The following RMND1 variants were observed in gnomAD, a reference collection of about 807,000 sequenced individuals.
The protein encoded by RMND1 is required for meiotic nuclear division 1 homolog, also known as required for meiotic nuclear division protein 1 homolog.
A neutral mutation model predicts 54.0 loss-of-function variants in RMND1; 41 were observed. The observed-to-expected ratio is 0.76, with a 90% confidence interval of 0.59 to 0.98. RMND1 has a LOEUF of 0.98. RMND1 is among the 50% of genes least tolerant of loss of function. The probability of loss-of-function intolerance (pLI) is 0.00; values close to 1 mark genes in which losing one functional copy is unlikely to be tolerated. For synonymous variants in RMND1, 183 were observed against 181.7 expected, an observed-to-expected ratio of 1.01 and a Z score of -0.06; for missense variants, 457 against 532.0, an observed-to-expected ratio of 0.86 and a Z score of 1.39.
chr6:151,436,587 C>A lies in RMND1; in HGVS notation c.505-33G>T, dbSNP rs775246667. The A allele has an allele frequency of 3.7e-6, 6 of 1,608,790 alleles. No individual in the cohort carries two copies. The African/African-American group carries it at 5.3e-5, about 14-fold the overall frequency. ...AGGGAAATGAGCATAACATGGGTTA[C>A]CAAGAGGCTGAAGCATCTGTGACGG... is the stretch of plus-strand genomic sequence containing the variant. On this transcript the variant is annotated intron_variant, in intron 2 of 11. Transcript: ENST00000444024.
chr6:151,433,429 A>G (rs903435907), intron 3 of RMND1, among the ~76,000 whole-genome samples, 199 bp from the exon 4 acceptor site: 1 of 152,204 alleles, frequency 6.6e-6, no homozygotes, highest in Non-Finnish European at 1.5e-5. Context: ...CACCAAAAAA[A>G]GATCAGCAAT....
intron 2 of RMND1, among the ~76,000 whole-genome samples, chr6:151,440,767 CT>C (rs536693988): frequency 6.6e-6 from 1 of 152,036 alleles, no homozygotes; most frequent in Non-Finnish European, 1.5e-5. Context: ...GTTTTCTTTG[CT>C]TTTTTTATTT....
intron 1 of RMND1, among the ~76,000 whole-genome samples, chr6:151,449,188 G>A (rs1371979836): frequency 1.3e-5 from 2 of 151,204 alleles, no homozygotes; most frequent in African/African-American, 2.4e-5. Context: ...CCAACATGGT[G>A]AAACCTCGTC....
intron 4 of RMND1, 91 bp downstream of exon 4, chr6:151,433,064 A>T (rs1054778153): frequency 2.9e-6 from 2 of 682,270 alleles, no homozygotes; most frequent in Non-Finnish European, 5.2e-6. Context: ...GAACACATTT[A>T]CTGTTAAGAA....
intron 10 of RMND1, among the ~76,000 whole-genome samples, chr6:151,407,552 GTC>G (rs1247761629): frequency 6.6e-6 from 1 of 152,052 alleles, no homozygotes; most frequent in Non-Finnish European, 1.5e-5. Flanking sequence ...CTATTATTAA[GTC>G]TAACAACTTA....
At chr6:151,421,211 T>C in intron 9 of RMND1, 34 bp downstream of exon 9, 3 of 1,412,984 alleles carry the variant, frequency 2.1e-6, no homozygotes, top group Non-Finnish European at 3.0e-6. Flanking sequence ...TTGTTAAATA[T>C]ATGAAATATT....
intron 3 of RMND1, among the ~76,000 whole-genome samples, chr6:151,435,031 TA>T (rs1483964267): frequency 1.3e-5 from 2 of 152,048 alleles, no homozygotes; most frequent in African/African-American, 4.8e-5. Context: ...GTATTTTTAG[TA>T]AAGGTGGGGT....
At chr6:151,429,168 C>A (rs1190991711) in intron 5 of RMND1, among the ~76,000 whole-genome samples, 1 of 151,054 alleles carries the variant, frequency 6.6e-6, no homozygotes, top group African/African-American at 2.4e-5. Context: ...GTCTCCCAGG[C>A]TGGAGTGCAA....
At chr6:151,447,328 CA>C (rs1212889142) in intron 1 of RMND1, among the ~76,000 whole-genome samples, 2 of 112,196 alleles carry the variant, frequency 1.8e-5, no homozygotes, top group Non-Finnish European at 1.8e-5. Context: ...GTTCATGAAA[CA>C]AATTTTTGGT....
intron 7 of RMND1, 72 bp downstream of exon 7, chr6:151,423,453 T>G: frequency 1.1e-6 from 1 of 935,368 alleles, no homozygotes; most frequent in Admixed American, 2.0e-5. Context: ...TATACCAAAA[T>G]CGTGACTATT....
chr6:151,417,274 C>T lies in RMND1; in HGVS notation c.1200+5G>A, dbSNP rs756416170. 5.0e-6 allele frequency: 8 copies of T among 1,602,346 alleles called. No homozygotes were observed. Among genetic ancestry groups the T allele is most frequent in the Middle Eastern group, 1.7e-4 (1 of 6,004 alleles). ...TTTCTCTCATTAGAAGTGCAAAATA[C>T]GTACCTTAACTCTTCGGCCAATGCT... On this transcript the variant is annotated splice_donor_5th_base_variant and intron_variant, in intron 10 of 11. Coordinates refer to ENST00000444024, the MANE Select transcript of RMND1 (RefSeq NM_017909.4).
At chr6:151,420,218 C>G (rs1780117516) in intron 9 of RMND1, among the ~76,000 whole-genome samples, 1 of 151,986 alleles carries the variant, frequency 6.6e-6, no homozygotes, top group African/African-American at 2.4e-5. Flanking sequence ...ATCTCTCTAC[C>G]CTACTTCTCA....
At chr6:151,434,014 T>A (rs530684992) in intron 3 of RMND1, among the ~76,000 whole-genome samples, 1 of 139,782 alleles carries the variant, frequency 7.2e-6, no homozygotes, top group Admixed American at 7.7e-5. Context: ...CCTGGCTAAG[T>A]TTTTGTTTAT....
chr6:151,424,419 C>G (rs574634175), intron 6 of RMND1, among the ~76,000 whole-genome samples: 10 of 150,686 alleles, frequency 6.6e-5, no homozygotes, highest in Non-Finnish European at 1.2e-4. Context: ...GCCGAAATCA[C>G]GCCACTGCAC....
intron 1 of RMND1, among the ~76,000 whole-genome samples, chr6:151,449,003 G>C (rs1781044784): frequency 6.8e-6 from 1 of 148,070 alleles, no homozygotes. Flanking sequence ...CTTGAATCTG[G>C]GAGGCGGAGA....
chr6:151,445,444 A>G lies in RMND1; in HGVS notation c.368T>C (p.Leu123Ser). The change falls in exon 2 of 12, where the codon TTA (leucine) becomes TCA (serine). Residue 123 changes from leucine to serine, a missense_variant. Leu to Ser is a moderately radical substitution (Grantham distance 145, BLOSUM62 -2). Transcript: ENST00000444024. ...TGATACAGATGAGAAATGCCTCTTTAATATTTTTATAAACCATTTAGAACC... is the reference window on the plus strand; with the variant it reads ...TGATACAGATGAGAAATGCCTCTTTGATATTTTTATAAACCATTTAGAACC... ...LLGSKWFIKI[L>S]KRHFSSVSTE... 1 of 1,614,180 alleles carries G rather than the reference A, an allele frequency of 6.2e-7. No individual in the cohort carries two copies. Among genetic ancestry groups the G allele is most frequent in the Non-Finnish European group, 8.5e-7 (1 of 1,180,016 alleles).
rs531776278 is a variant in RMND1 at position 151,416,751 on chromosome 6, A to G, written c.1200+528T>C. The G allele has an allele frequency of 4.6e-5, 7 of 152,422 alleles. No homozygotes were observed. The East Asian group carries it at 9.7e-4, about 21-fold the overall frequency. The allele number at this position is 152,422 out of a possible 1,614,324, so 9.4% of individuals were successfully genotyped here. A position where few individuals can be genotyped will look rare whatever the true frequency, so the allele number is the denominator to read the frequency against. On this transcript the variant is annotated intron_variant, in intron 10 of 11. Transcript: ENST00000444024. ...TGCTTCTGCCCTTCTAAATGCCTGCATGACGGAGCTAATTGGATATCTTGT... is the reference window on the plus strand; with the variant it reads ...TGCTTCTGCCCTTCTAAATGCCTGCGTGACGGAGCTAATTGGATATCTTGT...
intron 1 of RMND1, among the ~76,000 whole-genome samples, chr6:151,450,237 T>C (rs1260640549): frequency 6.7e-6 from 1 of 149,828 alleles, no homozygotes; most frequent in Non-Finnish European, 1.5e-5. Flanking sequence ...TCGTCTGAGA[T>C]GTGGGGAGCA....
At chr6:151,429,447 GTATTATATA>G (rs1780393972) in intron 5 of RMND1, among the ~76,000 whole-genome samples, 1 of 152,000 alleles carries the variant, frequency 6.6e-6, no homozygotes, top group African/African-American at 2.4e-5. Flanking sequence ...TAATGTAACT[GTATTATATA>G]TATAGGCAAT....
Sources: gnomAD v4.1 joint callset for allele counts (sites outside exome capture counted in the v4.1 genomes callset) on GRCh38, gnomAD v4.1.1 for gene constraint, MANE v1.5 for transcripts, NCBI Gene and HGNC (gene_info 2026-07-23, HGNC 2026-07-21) for gene names.